The following SLCO1C1 variants were observed in gnomAD, a reference collection of about 807,000 sequenced individuals.
SLCO1C1 encodes OAT-RP-5.
In SLCO1C1, 70 loss-of-function variants were observed where a neutral mutation model predicts 76.4. The ratio of observed to expected loss-of-function variants is 0.92; its 90% CI spans 0.76 to 1.12. The LOEUF is 1.12. Among genes scored for constraint, SLCO1C1 ranks in the 50% most tolerant of loss-of-function variants. The pLI, the probability that SLCO1C1 is intolerant of heterozygous loss-of-function variation, is 0.00. For synonymous variants in SLCO1C1, 306 were observed against 286.1 expected, an observed-to-expected ratio of 1.07 and a Z score of -0.70; for missense variants, 912 against 823.8, an observed-to-expected ratio of 1.11 and a Z score of -1.31.
chr12:20,716,781 T>C (rs1413177803), intron 6 of SLCO1C1, among the ~76,000 whole-genome samples: 4 of 152,210 alleles, frequency 2.6e-5, no homozygotes, highest in Non-Finnish European at 5.9e-5. Flanking sequence ...GAACGTAAAA[T>C]GTTTTTGACA....
At chr12:20,751,895 A>G (rs1375168665) in intron 14 of SLCO1C1, among the ~76,000 whole-genome samples, 1 of 152,158 alleles carries the variant, frequency 6.6e-6, no homozygotes, top group African/African-American at 2.4e-5. Flanking sequence ...CAAAGAAATG[A>G]AGTTGGGAAA....
intron 12 of SLCO1C1, among the ~76,000 whole-genome samples, chr12:20,742,790 C>T (rs1336766248): frequency 1.3e-5 from 2 of 151,806 alleles, no homozygotes; most frequent in African/African-American, 4.8e-5. Context: ...TCGCCTCGGC[C>T]TCCCAAGGTG....
chr12:20,722,151 G>T, intron 8 of SLCO1C1, 102 bp downstream of exon 8: 1 of 1,423,414 alleles, frequency 7.0e-7, no homozygotes, highest in Non-Finnish European at 9.3e-7. Context: ...TTAAAAAGTT[G>T]AGAAACCATA....
intron 5 of SLCO1C1, among the ~76,000 whole-genome samples, chr12:20,713,807 GAATTTT>G (rs1271014127): frequency 6.6e-6 from 1 of 152,160 alleles, no homozygotes; most frequent in Non-Finnish European, 1.5e-5. Flanking sequence ...CAGAGAAAGT[GAATTTT>G]AATTTTATTT....
chr12:20,723,011 TA>T, intron 8 of SLCO1C1, 78 bp from the exon 9 acceptor site: 1 of 1,307,836 alleles, frequency 7.6e-7, no homozygotes, highest in Non-Finnish European at 1.1e-6. Flanking sequence ...CCCAGCCCTG[TA>T]AGTCCTGCCA....
At chr12:20,727,916 A>G (rs1334903661) in intron 9 of SLCO1C1, among the ~76,000 whole-genome samples, 1 of 152,222 alleles carries the variant, frequency 6.6e-6, no homozygotes, top group African/African-American at 2.4e-5. Context: ...GTGTCTGGAT[A>G]TTAGATCTTC....
At chr12:20,721,779 C>G in intron 7 of SLCO1C1, 25 bp from the exon 8 acceptor site, 1 of 1,610,144 alleles carries the variant, frequency 6.2e-7, no homozygotes, top group Non-Finnish European at 8.5e-7. Flanking sequence ...GTTTGTATTA[C>G]TTAGCCATCC....
rs111660417 is a variant in SLCO1C1 at position 20,703,283 on chromosome 12, T to C, written c.271+1824T>C. ...ATCCTCCGTCTTTATGTTATTTGTA[T>C]GTGGCAACTTTGTTGAAATTCTATT... On this transcript the variant is annotated intron_variant, in intron 3 of 14. Transcript: ENST00000266509. Among the ~76,000 whole-genome samples the C allele has an allele frequency of 9.9e-5, 15 of 152,104 alleles. 2 individuals are homozygous for C. Among genetic ancestry groups the C allele is most frequent in the African/African-American group, 3.4e-4 (14 of 41,562 alleles).
rs200036454 is a variant in SLCO1C1, at chr12:20,736,418, TA to T, written c.1383-685del. 5.6e-3 allele frequency among the ~76,000 whole-genome samples: 846 copies of T among 152,142 alleles called. 9 individuals are homozygous for T. The highest frequency in any genetic ancestry group is 0.019 in the African/African-American group (800 of 41,492). ...GAGCTAGCACTTAGTAGGCTTCCAG[TA>T]AAATTTTATCAACAAATAAATGGGT... On this transcript the variant is annotated intron_variant, in intron 10 of 14. Transcript: ENST00000266509.
intron 3 of SLCO1C1, among the ~76,000 whole-genome samples, chr12:20,701,660 C>T (rs572319901): frequency 2.0e-5 from 3 of 148,836 alleles, no homozygotes; most frequent in African/African-American, 5.0e-5. Flanking sequence ...AAATTTTTCT[C>T]CCCAGGTGTT....
At chr12:20,729,552 T>G (rs1446770971) in intron 9 of SLCO1C1, among the ~76,000 whole-genome samples, 1 of 151,820 alleles carries the variant, frequency 6.6e-6, no homozygotes, top group Non-Finnish European at 1.5e-5. Flanking sequence ...AAGGAACTCC[T>G]GATGAGCAAG....
At chr12:20,736,017 G>A (rs1213786217) in intron 10 of SLCO1C1, among the ~76,000 whole-genome samples, 1 of 152,014 alleles carries the variant, frequency 6.6e-6, no homozygotes, top group Non-Finnish European at 1.5e-5. Flanking sequence ...TGAGGAATAA[G>A]CAAATAAATA....
intron 13 of SLCO1C1, among the ~76,000 whole-genome samples, chr12:20,749,970 G>A (rs1340174557): frequency 6.6e-6 from 1 of 152,200 alleles, no homozygotes; most frequent in Non-Finnish European, 1.5e-5. Flanking sequence ...ATTCAGACAA[G>A]AGGAGAGAAC....
intron 9 of SLCO1C1, among the ~76,000 whole-genome samples, chr12:20,729,516 A>C (rs1412015045): frequency 6.6e-6 from 1 of 151,990 alleles, no homozygotes; most frequent in African/African-American, 2.4e-5. Context: ...TAAAGCATCA[A>C]GTCTGCTGCC....
intron 12 of SLCO1C1, among the ~76,000 whole-genome samples, chr12:20,741,644 G>C (rs971891797): frequency 3.6e-4 from 55 of 152,054 alleles, no homozygotes; most frequent in African/African-American, 1.3e-3. Flanking sequence ...CACAATTTGT[G>C]CTCGAATTTT....
At chr12:20,730,398 A>C (rs1433649674) in intron 9 of SLCO1C1, among the ~76,000 whole-genome samples, 1 of 152,240 alleles carries the variant, frequency 6.6e-6, no homozygotes, top group Non-Finnish European at 1.5e-5. Flanking sequence ...CCTGAAACAA[A>C]GGGAGAACTA....
chr12:20,703,171 G>C (rs763683011), intron 3 of SLCO1C1, among the ~76,000 whole-genome samples: 1 of 151,808 alleles, frequency 6.6e-6, no homozygotes, highest in Non-Finnish European at 1.5e-5. Context: ...TAAATTTCCA[G>C]ACAAATGACT....
intron 8 of SLCO1C1, 102 bp downstream of exon 8, chr12:20,722,151 G>A: frequency 2.8e-6 from 4 of 1,423,414 alleles, no homozygotes; most frequent in Non-Finnish European, 3.7e-6. Flanking sequence ...TTAAAAAGTT[G>A]AGAAACCATA....
At chr12:20,722,952 GTA>G in intron 8 of SLCO1C1, 136 bp from the exon 9 acceptor site, 1 of 702,398 alleles carries the variant, frequency 1.4e-6, no homozygotes, top group Non-Finnish European at 2.3e-6. Flanking sequence ...TATACATAGT[GTA>G]TGTGTGTACC....
Sources: gnomAD v4.1 joint callset for allele counts (sites outside exome capture counted in the v4.1 genomes callset) on GRCh38, gnomAD v4.1.1 for gene constraint, MANE v1.5 for transcripts, NCBI Gene and HGNC (gene_info 2026-07-23, HGNC 2026-07-21) for gene names.